Variants in SORCS1 observed in about 807,000 individuals in gnomAD.
The protein encoded by SORCS1 is VPS10 domain-containing receptor SorCS1.
Under a neutral mutation model 146.1 loss-of-function variants are expected in SORCS1, and 60 were observed. That is an observed-to-expected ratio of 0.41 (90% CI 0.33 to 0.51). The LOEUF is 0.51. SORCS1 is among the 20% of genes least tolerant of loss of function. The pLI is 0.21. For missense variants in SORCS1, 1,352 were observed against 1,487.6 expected, an observed-to-expected ratio of 0.91 and a Z score of 1.50; for synonymous variants, 637 against 584.0, an observed-to-expected ratio of 1.09 and a Z score of -1.31.
intron 23 of SORCS1, among the ~76,000 whole-genome samples, chr10:106,603,346 A>T (rs1846367695): frequency 6.6e-6 from 1 of 152,212 alleles, no homozygotes. Flanking sequence ...CAGAGATCCC[A>T]AATAAAGGCT....
At chr10:107,145,367 T>C (rs910133476) in intron 1 of SORCS1, among the ~76,000 whole-genome samples, 5 of 152,182 alleles carry the variant, frequency 3.3e-5, no homozygotes, top group African/African-American at 1.2e-4. Flanking sequence ...ATTTCGTCAG[T>C]CATCCCAGAC....
intron 3 of SORCS1, among the ~76,000 whole-genome samples, chr10:106,779,552 T>A (rs1860734405): frequency 6.6e-6 from 1 of 150,400 alleles, no homozygotes; most frequent in Non-Finnish European, 1.5e-5. Context: ...CCCATATTTT[T>A]TTTTTTTTTT....
At chr10:107,063,018 C>G (rs1961379791) in intron 1 of SORCS1, among the ~76,000 whole-genome samples, 1 of 152,158 alleles carries the variant, frequency 6.6e-6, no homozygotes, top group Non-Finnish European at 1.5e-5. Flanking sequence ...CTCGTAAGAA[C>G]CTTACTAGGC....
intron 2 of SORCS1, among the ~76,000 whole-genome samples, chr10:106,905,609 A>C (rs1951877569): frequency 6.6e-6 from 1 of 152,216 alleles, no homozygotes; most frequent in Non-Finnish European, 1.5e-5. Context: ...TTTCTAATTA[A>C]AATAGTTATA....
chr10:107,114,742 A>G (rs1299680145), intron 1 of SORCS1, among the ~76,000 whole-genome samples: 1 of 152,146 alleles, frequency 6.6e-6, no homozygotes, highest in Non-Finnish European at 1.5e-5. Flanking sequence ...ATAGTAATGG[A>G]AGTCCTAGCC....
At chr10:106,659,634 G>A (rs1198006772) in intron 17 of SORCS1, among the ~76,000 whole-genome samples, 1 of 152,106 alleles carries the variant, frequency 6.6e-6, no homozygotes, top group African/African-American at 2.4e-5. Flanking sequence ...AGGAAACACA[G>A]TTTAGAGAGT....
intron 1 of SORCS1, among the ~76,000 whole-genome samples, chr10:107,117,890 G>A (rs556545694): frequency 2.0e-5 from 3 of 152,300 alleles, no homozygotes; most frequent in African/African-American, 7.2e-5. Flanking sequence ...AAGAGACTTA[G>A]AAGAGACTTG....
At chr10:106,606,272 T>TACACACACACACAC (rs1278722607) in intron 23 of SORCS1, among the ~76,000 whole-genome samples, 5 of 107,844 alleles carry the variant, frequency 4.6e-5, no homozygotes, top group South Asian at 3.0e-4. Context: ...CACACACAGA[T>TACACACACACACAC]ATACACACAC....
At chr10:106,677,224 CAG>C in intron 13 of SORCS1, 87 bp downstream of exon 13, 2 of 1,231,246 alleles carry the variant, frequency 1.6e-6, no homozygotes, top group Middle Eastern at 3.9e-4. Flanking sequence ...ACTACAGAAA[CAG>C]ACACGGTTTG....
At chr10:106,780,966 C>T (rs935019635) in intron 3 of SORCS1, among the ~76,000 whole-genome samples, 2 of 144,542 alleles carry the variant, frequency 1.4e-5, no homozygotes, top group African/African-American at 2.5e-5. Context: ...ATTTCAAATA[C>T]GTCACTTCTC....
At chr10:106,631,600 C>T (rs1051382253) in intron 18 of SORCS1, among the ~76,000 whole-genome samples, 10 of 152,064 alleles carry the variant, frequency 6.6e-5, no homozygotes, top group African/African-American at 1.9e-4. Context: ...GAGGACATGA[C>T]GGAAGAGGGA....
chr10:106,774,171 G>C (rs186739053), intron 4 of SORCS1, among the ~76,000 whole-genome samples: 2 of 152,208 alleles, frequency 1.3e-5, no homozygotes, highest in African/African-American at 2.4e-5. Context: ...GGTCACAAAG[G>C]GTACCTTTTG....
At position 107,019,941 on chromosome 10, in the gene SORCS1, A is replaced by C. The variant is rs1427226023; in HGVS notation, c.559-63361T>G. On this transcript the variant is annotated intron_variant, in intron 1 of 25. Transcript: ENST00000263054. ...TGCTCTGGGGCCCCAAGGAAGGAAC[A>C]ATCACTGTGAACTACAGAAAATCTG... Among the ~76,000 whole-genome samples the C allele has an allele frequency of 3.3e-5, 5 of 152,228 alleles. 1 individual carries two copies. Among genetic ancestry groups the C allele is most frequent in the African/African-American group, 1.2e-4 (5 of 41,474 alleles).
chr10:107,178,106 T>A, the SORCS1 span, among the ~76,000 whole-genome samples: 2 of 152,092 alleles, frequency 1.3e-5, no homozygotes, highest in African/African-American at 4.8e-5. Flanking sequence ...CATAGCACAC[T>A]TTTACCTATG....
intron 1 of SORCS1, among the ~76,000 whole-genome samples, chr10:107,160,742 C>T (rs1244913842): frequency 6.6e-6 from 1 of 152,082 alleles, no homozygotes; most frequent in Admixed American, 6.5e-5. Flanking sequence ...GATATTAACA[C>T]CCGTCACCTA....
At chr10:107,165,949 G>C (rs1970037564), upstream of SORCS1, among the ~76,000 whole-genome samples, 5 of 152,218 alleles carry the variant, frequency 3.3e-5, no homozygotes, top group Admixed American at 3.3e-4. The surrounding 1 kb of genome is among the most constrained non-coding windows in gnomAD (Gnocchi z 4.0). Context: ...CTATTCGTAA[G>C]TTCAGATGAA....
chr10:106,672,152 A>G (rs376089743), intron 15 of SORCS1, among the ~76,000 whole-genome samples: 17 of 152,304 alleles, frequency 1.1e-4, no homozygotes, highest in African/African-American at 4.1e-4. Context: ...CTACATTTAC[A>G]TATATTACTT....
At chr10:106,848,903 G>T (rs1209218023) in intron 2 of SORCS1, among the ~76,000 whole-genome samples, 2 of 149,160 alleles carry the variant, frequency 1.3e-5, no homozygotes, top group African/African-American at 4.9e-5. Flanking sequence ...TAAGTATGTT[G>T]AATATTGGCC....
At chr10:106,594,767 T>C (rs548136516) in intron 24 of SORCS1, among the ~76,000 whole-genome samples, 1 of 152,300 alleles carries the variant, frequency 6.6e-6, no homozygotes, top group South Asian at 2.1e-4. Flanking sequence ...TCATGAAGGA[T>C]AGACAAGTTG....
Sources: allele counts gnomAD v4.1 joint callset (sites outside exome capture counted in the v4.1 genomes callset), GRCh38; gene constraint gnomAD v4.1.1; non-coding constraint Gnocchi (gnomAD v3.1); transcripts MANE v1.5; gene names NCBI Gene and HGNC (gene_info 2026-07-23, HGNC 2026-07-21).